Variants in SPON1 observed in about 807,000 individuals in gnomAD.
SPON1 encodes the protein spondin 1, also known as spondin-1.
SPON1 carries 52 observed loss-of-function variants against 111.7 expected under a neutral mutation model. The ratio of observed to expected loss-of-function variants is 0.47; its 90% CI spans 0.37 to 0.59. The LOEUF (loss-of-function observed/expected upper bound fraction) is 0.59. Among genes scored for constraint, SPON1 ranks in the 20% least tolerant of loss-of-function variants. The pLI, the probability that SPON1 is intolerant of heterozygous loss-of-function variation, is 0.00. For missense variants in SPON1, 957 were observed against 1,068.5 expected (o/e 0.90, Z 1.46); for synonymous variants, 410 against 395.8 (o/e 1.04, Z -0.43).
intron 3 of SPON1, among the ~76,000 whole-genome samples, chr11:14,067,941 G>A (rs553702034): frequency 2.0e-5 from 3 of 152,284 alleles, no homozygotes; most frequent in South Asian, 4.1e-4. Flanking sequence ...ACAAACAATA[G>A]CTTATTCATC....
chr11:14,172,873 G>C (rs1455507352), intron 6 of SPON1, among the ~76,000 whole-genome samples: 9 of 151,956 alleles, frequency 5.9e-5, no homozygotes, highest in Non-Finnish European at 1.3e-4. Flanking sequence ...CTGTTAGTCT[G>C]ATGGGCTTCC....
At chr11:14,108,086 CACTG>C in intron 5 of SPON1, among the ~76,000 whole-genome samples, 1 of 152,304 alleles carries the variant, frequency 6.6e-6, no homozygotes, top group South Asian at 2.1e-4. Context: ...TTGCAGAAGA[CACTG>C]ACTTACACTG....
At chr11:14,153,810 T>G (rs986357998) in intron 6 of SPON1, among the ~76,000 whole-genome samples, 5 of 152,176 alleles carry the variant, frequency 3.3e-5, no homozygotes, top group Admixed American at 2.6e-4. Flanking sequence ...AAAAAACAAG[T>G]TAGCTACTTC....
intron 6 of SPON1, among the ~76,000 whole-genome samples, chr11:14,160,692 T>TAC (rs1554930960): frequency 1.8e-4 from 2 of 11,100 alleles, no homozygotes; most frequent in African/African-American, 2.0e-3. Flanking sequence ...TATATATATT[T>TAC]ATATATTTAT....
rs1027434840 is a variant in SPON1 at position 14,134,697 on chromosome 11, T to C, written c.677-723T>C. ...CTTGCTTACCTCTCCAGCTCTCCAC[T>C]CCAACTGTGCTCTCTCCAATGCATT... On this transcript the variant is annotated intron_variant, in intron 5 of 15. Coordinates refer to ENST00000576479, the MANE Select transcript of SPON1 (RefSeq NM_006108.4). Among the ~76,000 whole-genome samples, 4 of 152,318 alleles carry C rather than the reference T, an allele frequency of 2.6e-5. 1 individual carries two copies. In the East Asian group the frequency reaches 7.7e-4, roughly 29 times the overall value.
At chr11:14,219,016 C>T (rs1554937366) in intron 6 of SPON1, among the ~76,000 whole-genome samples, 1 of 152,032 alleles carries the variant, frequency 6.6e-6, no homozygotes, top group Non-Finnish European at 1.5e-5. Context: ...AGAATTTGGC[C>T]CTGCTCTGGA....
In SPON1 at chr11:14,197,509, A is replaced by AAATAAATG. The variant is rs1312627978; in HGVS notation, c.826-45816_826-45815insGAATAAAT. Among the ~76,000 whole-genome samples the AAATAAATG allele has an allele frequency of 2.7e-3, 412 of 151,358 alleles. 4 individuals are homozygous for AAATAAATG. Among genetic ancestry groups the AAATAAATG allele is most frequent in the African/African-American group, 9.0e-3 (373 of 41,332 alleles). On this transcript the variant is annotated intron_variant, in intron 6 of 15. Transcript: ENST00000576479. ...TTTAAAAATAAATAAATAAATAAAT[A>AAATAAATG]AATAAATAAATAAACAAGTGGGGGC...
intron 2 of SPON1, among the ~76,000 whole-genome samples, chr11:14,005,199 T>C (rs1173158297): frequency 6.6e-6 from 1 of 152,264 alleles, no homozygotes; most frequent in African/African-American, 2.4e-5. Context: ...AGGAGATTTA[T>C]GATTTCTGAG....
At position 13,964,919 on chromosome 11, in the gene SPON1, T is replaced by A. The variant is rs184668941; in HGVS notation, c.238+1777T>A. On this transcript the variant is annotated intron_variant, in intron 1 of 15. Coordinates refer to ENST00000576479, the MANE Select transcript of SPON1 (RefSeq NM_006108.4). ...AAGTGGCTCTGGAGTCCAACAGACT[T>A]GGGTTTACTCGCTGTGTGACCTTGT... 1.7e-4 allele frequency among the ~76,000 whole-genome samples: 26 copies of A among 152,158 alleles called. No homozygotes were observed. The East Asian group carries it at 4.9e-3, about 28-fold the overall frequency.
Position 14,232,375 on chromosome 11 carries a change from A to C in SPON1, c.826-10957A>C, listed in dbSNP as rs893318878. On this transcript the variant is annotated intron_variant, in intron 6 of 15. Transcript: ENST00000576479. Reference sequence around the variant, plus strand: ...CTCCAGCACGTGGAATAGGCCTGGCACAGACTAGGGGCTCCATCTATCATT... The same window carrying C: ...CTCCAGCACGTGGAATAGGCCTGGCCCAGACTAGGGGCTCCATCTATCATT... Among the ~76,000 whole-genome samples, 15 of 152,228 alleles carry C rather than the reference A, an allele frequency of 9.9e-5. No homozygotes were observed. The East Asian group carries it at 2.9e-3, about 29-fold the overall frequency.
chr11:14,157,067 A>G (rs1047192957), intron 6 of SPON1, among the ~76,000 whole-genome samples: 2 of 152,176 alleles, frequency 1.3e-5, no homozygotes, highest in African/African-American at 2.4e-5. Context: ...ATTAAATTTC[A>G]TATATATTTT....
At chr11:14,080,862 TC>T (rs1399264887) in intron 5 of SPON1, among the ~76,000 whole-genome samples, 1 of 152,094 alleles carries the variant, frequency 6.6e-6, no homozygotes, top group African/African-American at 2.4e-5. Context: ...TGTGGGAGGA[TC>T]CTTTGAGGCC....
chr11:14,257,574 C>T, intron 10 of SPON1, 142 bp from the exon 11 acceptor site: 1 of 612,718 alleles, frequency 1.6e-6, no homozygotes, highest in Non-Finnish European at 2.7e-6. Context: ...TGGATGGCTG[C>T]TTCCATCCCA....
In SPON1 at chr11:14,211,353, C is replaced by T. The variant is rs1252743976; in HGVS notation, c.826-31979C>T. Among the ~76,000 whole-genome samples, 7 of 152,060 alleles carry T rather than the reference C, an allele frequency of 4.6e-5. 1 individual carries two copies. Among genetic ancestry groups the T allele is most frequent in the South Asian group, 4.1e-4 (2 of 4,822 alleles). ...CACCAATAACAGACAAACAGAAAGC[C>T]AAATCATGAGCGAACTCCCATTCAC... On this transcript the variant is annotated intron_variant, in intron 6 of 15. Coordinates refer to ENST00000576479, the MANE Select transcript of SPON1 (RefSeq NM_006108.4).
At chr11:14,081,232 A>G (rs1271125656) in intron 5 of SPON1, among the ~76,000 whole-genome samples, 1 of 152,190 alleles carries the variant, frequency 6.6e-6, no homozygotes, top group Non-Finnish European at 1.5e-5. Flanking sequence ...AACGCCTAAC[A>G]TGTGCCAGGC....
chr11:14,086,048 G>C (rs1052940379), intron 5 of SPON1, among the ~76,000 whole-genome samples: 2 of 152,160 alleles, frequency 1.3e-5, no homozygotes, highest in Non-Finnish European at 2.9e-5. Flanking sequence ...ATTTTAAGCT[G>C]AGATGATGGG....
At chr11:14,183,557 A>G (rs1160396047) in intron 6 of SPON1, among the ~76,000 whole-genome samples, 6 of 152,180 alleles carry the variant, frequency 3.9e-5, no homozygotes, top group Admixed American at 3.3e-4. Flanking sequence ...GTTCTGTCTC[A>G]GCATGTTAGA....
chr11:14,254,347 T>C (rs576182783), intron 7 of SPON1, among the ~76,000 whole-genome samples, 181 bp from the exon 8 acceptor site: 2 of 152,270 alleles, frequency 1.3e-5, no homozygotes, highest in South Asian at 4.1e-4. Flanking sequence ...ATTTGTTCAA[T>C]GGATGGGCTC....
intron 6 of SPON1, among the ~76,000 whole-genome samples, chr11:14,237,092 T>C (rs1404813764): frequency 7.2e-5 from 11 of 152,168 alleles, no homozygotes; most frequent in African/African-American, 2.6e-4. Context: ...GCACAATTGG[T>C]TTTAAAGATG....
Sources: gnomAD v4.1 joint callset for allele counts (sites outside exome capture counted in the v4.1 genomes callset) on GRCh38, gnomAD v4.1.1 for gene constraint, MANE v1.5 for transcripts, NCBI Gene and HGNC (gene_info 2026-07-23, HGNC 2026-07-21) for gene names.